Variants in CHCHD3 observed in about 807,000 individuals in gnomAD.
The protein encoded by CHCHD3 is MICOS complex subunit MIC19.
A neutral mutation model predicts 38.2 loss-of-function variants in CHCHD3; 20 were observed. The ratio of observed to expected loss-of-function variants is 0.52; its 90% CI spans 0.37 to 0.76. The LOEUF is 0.76. Ranked by LOEUF, CHCHD3 falls within the 30% of genes least tolerant of loss-of-function variation. The pLI is 0.00. For missense variants in CHCHD3, 245 were observed against 279.2 expected (o/e 0.88, Z 0.87); for synonymous variants, 82 against 100.0 (o/e 0.82, Z 1.07).
At chr7:132,930,553 CAG>C (rs1006587532) in intron 4 of CHCHD3, among the ~76,000 whole-genome samples, 6 of 152,174 alleles carry the variant, frequency 3.9e-5, no homozygotes, top group African/African-American at 1.4e-4. Context: ...TCCTCGAATG[CAG>C]AGTGTTTCCA....
chr7:132,983,370 T>C (rs1367365815), intron 3 of CHCHD3, among the ~76,000 whole-genome samples: 1 of 152,120 alleles, frequency 6.6e-6, no homozygotes, highest in Non-Finnish European at 1.5e-5. Flanking sequence ...AAACAGACTG[T>C]ACATGGCACC....
chr7:133,039,112 A>G (rs1202641026), intron 2 of CHCHD3, among the ~76,000 whole-genome samples: 1 of 152,228 alleles, frequency 6.6e-6, no homozygotes, highest in Non-Finnish European at 1.5e-5. Context: ...CTGTTATTCA[A>G]CAAACCAATT....
At chr7:132,875,111 T>C (rs1056093370) in intron 5 of CHCHD3, among the ~76,000 whole-genome samples, 1 of 152,206 alleles carries the variant, frequency 6.6e-6, no homozygotes, top group African/African-American at 2.4e-5. Context: ...TCTCAGGTGA[T>C]ATACTGGGAT....
At chr7:132,968,506 AAACT>A (rs2117320387) in intron 4 of CHCHD3, among the ~76,000 whole-genome samples, 1 of 152,362 alleles carries the variant, frequency 6.6e-6, no homozygotes, top group South Asian at 2.1e-4. Flanking sequence ...AATTCAAAGC[AAACT>A]AATACTCTAC....
At chr7:132,984,766 G>C (rs1036166773) in intron 3 of CHCHD3, among the ~76,000 whole-genome samples, 3 of 148,584 alleles carry the variant, frequency 2.0e-5, no homozygotes, top group African/African-American at 5.0e-5. Context: ...CGTCTGAGAA[G>C]TGAGGAGCCC....
chr7:132,794,942 T>C (rs1227492820), intron 7 of CHCHD3, among the ~76,000 whole-genome samples: 2 of 152,224 alleles, frequency 1.3e-5, no homozygotes, highest in Non-Finnish European at 2.9e-5. Flanking sequence ...CCATGTGGCG[T>C]ATTTGCTTTT....
intron 3 of CHCHD3, among the ~76,000 whole-genome samples, chr7:132,995,046 A>C (rs963612636): frequency 2.8e-4 from 43 of 152,198 alleles, no homozygotes; most frequent in African/African-American, 9.9e-4. Context: ...AAGTTCAAAA[A>C]CAAATACATT....
At chr7:132,899,097 C>T (rs903393820) in intron 4 of CHCHD3, among the ~76,000 whole-genome samples, 1 of 152,256 alleles carries the variant, frequency 6.6e-6, no homozygotes, top group Non-Finnish European at 1.5e-5. Flanking sequence ...TGCCACCAAA[C>T]TGGGAGCCCA....
intron 2 of CHCHD3, among the ~76,000 whole-genome samples, chr7:133,052,700 T>C (rs148138354): frequency 2.0e-5 from 3 of 152,276 alleles, no homozygotes; most frequent in Non-Finnish European, 4.4e-5. Flanking sequence ...TAATCAAAAC[T>C]GCATAGAGAC....
At chr7:133,069,069 G>A (rs1814748213) in intron 2 of CHCHD3, among the ~76,000 whole-genome samples, 1 of 152,052 alleles carries the variant, frequency 6.6e-6, no homozygotes, top group South Asian at 2.1e-4. Context: ...CCTGGACTGA[G>A]GGTTGCAAGT....
intron 5 of CHCHD3, among the ~76,000 whole-genome samples, chr7:132,882,062 T>C (rs985228388): frequency 6.6e-6 from 1 of 152,168 alleles, no homozygotes; most frequent in Non-Finnish European, 1.5e-5. Flanking sequence ...ATCGTTATCT[T>C]ATACACAATG....
At position 133,006,508 on chromosome 7, in the gene CHCHD3, A is replaced by G. The variant is rs555850027; in HGVS notation, c.251+18038T>C. On this transcript the variant is annotated intron_variant, in intron 3 of 7. Coordinates refer to ENST00000262570, the MANE Select transcript of CHCHD3 (RefSeq NM_017812.4). ...ATAAATAAATAAAAAAATAAATAAA[A>G]TTAATGAAAATACTAGCCAAATAAA... 2.6e-4 allele frequency among the ~76,000 whole-genome samples: 39 copies of G among 149,450 alleles called. No homozygotes were observed. In the South Asian group the frequency reaches 8.0e-3, roughly 30 times the overall value.
intron 2 of CHCHD3, among the ~76,000 whole-genome samples, chr7:133,054,782 C>G (rs1012004256): frequency 8.5e-5 from 13 of 152,088 alleles, no homozygotes; most frequent in African/African-American, 3.1e-4. Flanking sequence ...AGTATGTGGT[C>G]TTTTGTGACT....
rs566581645 is a variant in CHCHD3, at chr7:133,078,065, T to C, written c.81+3792A>G. On this transcript the variant is annotated intron_variant, in intron 1 of 7. Coordinates refer to ENST00000262570, the MANE Select transcript of CHCHD3 (RefSeq NM_017812.4). ...GCTCACACCTGTAATCCCAGCACTT[T>C]GGGAGGCTGAGGTGGGTAGATCACT... 3.9e-5 allele frequency among the ~76,000 whole-genome samples: 6 copies of C among 152,272 alleles called. No individual in the cohort carries two copies. The South Asian group carries it at 1.2e-3, about 32-fold the overall frequency.
chr7:133,060,036 T>C (rs1248404749), intron 2 of CHCHD3, among the ~76,000 whole-genome samples: 1 of 152,144 alleles, frequency 6.6e-6, no homozygotes, highest in African/African-American at 2.4e-5. Flanking sequence ...ATTACAAGGA[T>C]CAGTACTAAA....
intron 7 of CHCHD3, among the ~76,000 whole-genome samples, chr7:132,791,372 A>G (rs1331627211): frequency 1.3e-5 from 2 of 152,200 alleles, no homozygotes; most frequent in Non-Finnish European, 2.9e-5. Context: ...GATCATTTAA[A>G]TTCTCTGGAA....
intron 5 of CHCHD3, chr7:132,847,288 G>A (rs961433378): frequency 2.0e-5 from 3 of 152,214 alleles, no homozygotes; most frequent in Non-Finnish European, 4.4e-5. Flanking sequence ...GGGTAAAGAA[G>A]AAGGAAGAAA....
At chr7:132,808,502 T>C (rs1289721990) in intron 6 of CHCHD3, among the ~76,000 whole-genome samples, 1 of 152,246 alleles carries the variant, frequency 6.6e-6, no homozygotes, top group Non-Finnish European at 1.5e-5. Flanking sequence ...GTTTCTTTAG[T>C]CTTCAGTTCT....
chr7:132,864,566 A>G (rs1231085403), intron 5 of CHCHD3, among the ~76,000 whole-genome samples: 1 of 152,200 alleles, frequency 6.6e-6, no homozygotes, highest in Non-Finnish European at 1.5e-5. Flanking sequence ...TCCTTAATGC[A>G]GGGTTGCCAC....
Sources: allele counts gnomAD v4.1 joint callset (sites outside exome capture counted in the v4.1 genomes callset), GRCh38; gene constraint gnomAD v4.1.1; transcripts MANE v1.5; gene names NCBI Gene and HGNC (gene_info 2026-07-23, HGNC 2026-07-21).